The following FSHR variants were observed in gnomAD, a reference collection of about 807,000 sequenced individuals.
The protein encoded by FSHR is follicle stimulating hormone receptor.
Under a neutral mutation model 52.1 loss-of-function variants are expected in FSHR, and 46 were observed. The ratio of observed to expected loss-of-function variants is 0.88; its 90% CI spans 0.70 to 1.13. FSHR has a LOEUF of 1.13. Among genes scored for constraint, FSHR ranks in the 50% most tolerant of loss-of-function variants. The pLI is 0.00. For synonymous variants in FSHR, 399 were observed against 309.6 expected, an observed-to-expected ratio of 1.29 and a Z score of -3.03; for missense variants, 964 against 834.6, an observed-to-expected ratio of 1.16 and a Z score of -1.91.
At chr2:49,123,393 A>G (rs893583699) in intron 1 of FSHR, among the ~76,000 whole-genome samples, 2 of 152,084 alleles carry the variant, frequency 1.3e-5, no homozygotes, top group Admixed American at 6.5e-5. Context: ...AGGCTGAGGT[A>G]GGAGTATCGC....
intron 4 of FSHR, among the ~76,000 whole-genome samples, chr2:48,996,970 A>G (rs1676051173): frequency 6.6e-6 from 1 of 152,114 alleles, no homozygotes; most frequent in Admixed American, 6.6e-5. Context: ...GGGAGTTTGT[A>G]TATCTATATA....
intron 8 of FSHR, among the ~76,000 whole-genome samples, chr2:48,981,485 A>G (rs1675245867): frequency 6.6e-6 from 1 of 152,214 alleles, no homozygotes; most frequent in Non-Finnish European, 1.5e-5. Flanking sequence ...TTAGAGAGGT[A>G]AAAGAATTGG....
chr2:49,082,914 A>G (rs1355704620), intron 1 of FSHR, among the ~76,000 whole-genome samples: 3 of 152,036 alleles, frequency 2.0e-5, no homozygotes, highest in Admixed American at 2.0e-4. Flanking sequence ...AAGTTGGAAA[A>G]CACTCTGCAG....
chr2:49,132,177 T>G (rs2103813417), intron 1 of FSHR, among the ~76,000 whole-genome samples: 1 of 152,316 alleles, frequency 6.6e-6, no homozygotes, highest in East Asian at 1.9e-4. Flanking sequence ...GATGATGTAC[T>G]GCTTTGTTTA....
chr2:49,127,824 T>TCTTCCTCTTCCTCTTCC (rs1672088838), intron 1 of FSHR, among the ~76,000 whole-genome samples: 1 of 55,552 alleles, frequency 1.8e-5, no homozygotes, highest in African/African-American at 6.9e-5. Context: ...CTTCTTCTTC[T>TCTTCCTCTTCCTCTTCC]TCTTCCTCTT....
chr2:49,127,830 C>CTCCTCTTCTTCT (rs1672093232), intron 1 of FSHR, among the ~76,000 whole-genome samples: 1 of 21,054 alleles, frequency 4.7e-5, no homozygotes, highest in African/African-American at 2.3e-4. Flanking sequence ...CTTCTTCTTC[C>CTCCTCTTCTTCT]TCTTCTTCTT....
intron 1 of FSHR, among the ~76,000 whole-genome samples, chr2:49,150,035 AT>A (rs1409088187): frequency 6.6e-6 from 1 of 152,100 alleles, no homozygotes; most frequent in African/African-American, 2.4e-5. Flanking sequence ...CAAATTTCAG[AT>A]GTAGAATGGG....
intron 6 of FSHR, 112 bp downstream of exon 6, chr2:48,988,865 G>T: frequency 1.2e-6 from 1 of 808,854 alleles, no homozygotes; most frequent in Non-Finnish European, 2.1e-6. Flanking sequence ...AGTGATTTAA[G>T]TGGAGAAATG....
intron 1 of FSHR, among the ~76,000 whole-genome samples, chr2:49,084,421 T>A (rs891352433): frequency 6.6e-6 from 1 of 151,792 alleles, no homozygotes; most frequent in African/African-American, 2.4e-5. Context: ...CACCCTAACA[T>A]CACAATTAAA....
intron 2 of FSHR, among the ~76,000 whole-genome samples, chr2:49,034,190 C>G (rs990768820): frequency 2.0e-5 from 3 of 152,182 alleles, no homozygotes; most frequent in Admixed American, 6.5e-5. Flanking sequence ...TTCCTCTCCC[C>G]TTCCCCAGTT....
intron 8 of FSHR, among the ~76,000 whole-genome samples, chr2:48,976,159 C>T (rs1573031532): frequency 6.6e-6 from 1 of 152,122 alleles, no homozygotes; most frequent in Non-Finnish European, 1.5e-5. Context: ...AGATACGGTC[C>T]ATCAATACCT....
At chr2:49,090,216 T>G (rs1175728502) in intron 1 of FSHR, among the ~76,000 whole-genome samples, 1 of 152,028 alleles carries the variant, frequency 6.6e-6, no homozygotes, top group Non-Finnish European at 1.5e-5. Flanking sequence ...ACCACCACAA[T>G]CGGGATATGG....
In FSHR at chr2:48,968,712, G is replaced by C; in HGVS notation, c.840C>G (p.Asn280Lys). Residue 280 changes from asparagine to lysine, a missense_variant, in exon 9 of 10, where the codon AAC becomes AAG. Transcript: ENST00000406846. ...GATGGACTCACATTTGCCGTCTCCA[G>C]TTTGCAAAGGCACAGCAATGGCTGG... ...TYPSHCCAFANWRRQISELHP... is the reference protein window; with the variant it reads ...TYPSHCCAFAKWRRQISELHP... 1 of 1,614,142 alleles carries C rather than the reference G, an allele frequency of 6.2e-7. No individual in the cohort carries two copies. Among genetic ancestry groups the C allele is most frequent in the Non-Finnish European group, 8.5e-7 (1 of 1,179,988 alleles).
chr2:49,076,151 C>T (rs1199216437), intron 1 of FSHR, among the ~76,000 whole-genome samples: 1 of 152,110 alleles, frequency 6.6e-6, no homozygotes, highest in African/African-American at 2.4e-5. Context: ...CAAAAAATCC[C>T]AATCTTATAT....
chr2:49,076,613 G>A (rs564914402), intron 1 of FSHR, among the ~76,000 whole-genome samples: 9 of 152,254 alleles, frequency 5.9e-5, no homozygotes, highest in South Asian at 2.1e-4. Flanking sequence ...TCTACCAAAA[G>A]TCTTAACTCA....
chr2:49,013,529 A>AAT (rs1174630118), intron 4 of FSHR, among the ~76,000 whole-genome samples: 2 of 142,392 alleles, frequency 1.4e-5, no homozygotes, highest in Admixed American at 7.1e-5. Context: ...TATATATAAA[A>AAT]ATATATATAT....
chr2:48,972,983 A>C (rs1370551104), intron 8 of FSHR, among the ~76,000 whole-genome samples: 2 of 150,172 alleles, frequency 1.3e-5, no homozygotes, highest in Non-Finnish European at 2.9e-5. Context: ...ATTCTTTTAC[A>C]CTCTTTCCCA....
rs1558456212 is a variant in FSHR at position 49,127,750 on chromosome 2, CTTT to C, written c.152+26513_152+26515del. 3.8e-4 allele frequency among the ~76,000 whole-genome samples: 37 copies of C among 96,448 alleles called. 6 individuals carry two copies. Among genetic ancestry groups the C allele is most frequent in the Middle Eastern group, 9.8e-3 (2 of 204 alleles). 63.3% of individuals were successfully genotyped at this position (96,448 alleles called of 152,430 possible). A position where few individuals can be genotyped will look rare whatever the true frequency, so the allele number is the denominator to read the frequency against. ...GATTTGTGCATGATTTCTTCTTCTT[CTTT>C]CTTCTTCTTCTTCTTCTTCTTCTTC... On this transcript the variant is annotated intron_variant, in intron 1 of 9. Coordinates refer to ENST00000406846, the MANE Select transcript of FSHR (RefSeq NM_000145.4).
chr2:49,138,522 T>C (rs1439138477), intron 1 of FSHR, among the ~76,000 whole-genome samples: 3 of 152,212 alleles, frequency 2.0e-5, no homozygotes, highest in Admixed American at 6.5e-5. Context: ...TTTTCGACCC[T>C]TAAAATAATA....
Sources: gnomAD v4.1 joint callset for allele counts (sites outside exome capture counted in the v4.1 genomes callset) on GRCh38, gnomAD v4.1.1 for gene constraint, MANE v1.5 for transcripts, NCBI Gene and HGNC (gene_info 2026-07-23, HGNC 2026-07-21) for gene names.